Variants in KAZN observed in about 807,000 individuals in gnomAD.
KAZN encodes kazrin, periplakin interacting protein.
A neutral mutation model predicts 87.4 loss-of-function variants in KAZN; 40 were observed. The observed-to-expected ratio is 0.46, with a 90% confidence interval of 0.36 to 0.60. The LOEUF (loss-of-function observed/expected upper bound fraction) is 0.60. Among genes scored for constraint, KAZN ranks in the 20% least tolerant of loss-of-function variants. The pLI, the probability that KAZN is intolerant of heterozygous loss-of-function variation, is 0.00. For synonymous variants in KAZN, 466 were observed against 458.3 expected (o/e 1.02, Z -0.22); for missense variants, 898 against 1,073.9 (o/e 0.84, Z 2.29).
chr1:14,817,536 C>T (rs1277209851), intron 1 of KAZN, among the ~76,000 whole-genome samples: 1 of 152,186 alleles, frequency 6.6e-6, no homozygotes, highest in Non-Finnish European at 1.5e-5. Context: ...ATTCTTATGT[C>T]CCCAGAGCCT....
chr1:14,945,024 C>T (rs138660027), intron 1 of KAZN, among the ~76,000 whole-genome samples: 1 of 152,210 alleles, frequency 6.6e-6, no homozygotes, highest in Admixed American at 6.5e-5. Context: ...GGGGACAGCA[C>T]CAGGCTGCAC....
intron 2 of KAZN, among the ~76,000 whole-genome samples, chr1:14,325,658 A>C (rs1656358187): frequency 6.6e-6 from 1 of 152,240 alleles, no homozygotes; most frequent in Admixed American, 6.5e-5. Context: ...TATCAATACC[A>C]CAGGAGGATT....
At chr1:14,962,417 A>G (rs1188865213) in intron 2 of KAZN, among the ~76,000 whole-genome samples, 5 of 152,134 alleles carry the variant, frequency 3.3e-5, no homozygotes, top group Admixed American at 6.5e-5. Flanking sequence ...CCCAGCTGAC[A>G]TGGCATGCCT....
chr1:14,266,674 C>G (rs909062702), intron 2 of KAZN, among the ~76,000 whole-genome samples: 2 of 152,110 alleles, frequency 1.3e-5, no homozygotes, highest in East Asian at 3.9e-4. Flanking sequence ...GGGGACCAGT[C>G]GTGAATGGGA....
At chr1:14,436,357 C>CTGGTGG (rs59954862) in intron 2 of KAZN, among the ~76,000 whole-genome samples, 1 of 151,738 alleles carries the variant, frequency 6.6e-6, no homozygotes, top group African/African-American at 2.4e-5. Flanking sequence ...CATGGCAGTG[C>CTGGTGG]TGGTGGTGGT....
At chr1:14,942,310 A>C (rs558528354) in intron 1 of KAZN, among the ~76,000 whole-genome samples, 3 of 152,106 alleles carry the variant, frequency 2.0e-5, no homozygotes, top group Non-Finnish European at 2.9e-5. Context: ...ACGTCCCCAG[A>C]CGTTCCAGGG....
intron 2 of KAZN, among the ~76,000 whole-genome samples, chr1:14,518,199 T>TTTTTG (rs1671396403): frequency 6.7e-6 from 1 of 148,350 alleles, no homozygotes; most frequent in African/African-American, 2.5e-5. Flanking sequence ...TTTTTTTTTT[T>TTTTTG]GGGCAGAGTC....
chr1:14,785,517 G>A (rs926929209), intron 1 of KAZN, among the ~76,000 whole-genome samples: 2 of 151,952 alleles, frequency 1.3e-5, no homozygotes, highest in Non-Finnish European at 2.9e-5. Flanking sequence ...CCTCCTCCGC[G>A]GGAGCTTCAT....
At chr1:14,860,916 G>A (rs7538695) in intron 1 of KAZN, among the ~76,000 whole-genome samples, 2 of 152,168 alleles carry the variant, frequency 1.3e-5, no homozygotes, top group African/African-American at 2.4e-5. Flanking sequence ...TCATGAAAAC[G>A]ATTACTTCTT....
chr1:14,263,230 T>C (rs1437409023), intron 2 of KAZN, among the ~76,000 whole-genome samples: 2 of 152,206 alleles, frequency 1.3e-5, no homozygotes, highest in Admixed American at 6.5e-5. Flanking sequence ...CCCCTAGGTC[T>C]ATTGTATGTT....
intron 2 of KAZN, among the ~76,000 whole-genome samples, chr1:14,547,199 C>T (rs546888498): frequency 4.6e-5 from 7 of 151,970 alleles, no homozygotes; most frequent in African/African-American, 1.7e-4. Flanking sequence ...TTTTTTTTTC[C>T]TTGACCTTCT....
At chr1:14,907,411 A>C (rs1341214179) in intron 1 of KAZN, among the ~76,000 whole-genome samples, 1 of 151,806 alleles carries the variant, frequency 6.6e-6, no homozygotes, top group African/African-American at 2.4e-5. Flanking sequence ...CAAAAAAAAA[A>C]AAAAAACAAA....
At chr1:14,032,700 G>A (rs1469352963) in intron 1 of KAZN, among the ~76,000 whole-genome samples, 1 of 152,180 alleles carries the variant, frequency 6.6e-6, no homozygotes, top group Admixed American at 6.5e-5. Context: ...CCAATGGACT[G>A]TCAATGCCTT....
intron 4 of KAZN, among the ~76,000 whole-genome samples, chr1:15,053,357 G>A (rs951534763): frequency 2.0e-5 from 3 of 152,188 alleles, no homozygotes; most frequent in Non-Finnish European, 4.4e-5. Context: ...GACACACCCA[G>A]CTTCACTCCT....
chr1:14,478,719 C>T (rs4369222), intron 2 of KAZN, among the ~76,000 whole-genome samples: 48,315 of 152,060 alleles, frequency 0.32, 7,895 homozygotes, highest in East Asian at 0.4. Context: ...CTACTGCCTT[C>T]GTAATGTCTC....
intron 1 of KAZN, among the ~76,000 whole-genome samples, chr1:14,855,268 C>G (rs966520922): frequency 3.3e-5 from 5 of 152,198 alleles, no homozygotes; most frequent in Non-Finnish European, 7.3e-5. Flanking sequence ...TTATTTTTAT[C>G]TATTGCATTT....
At chr1:14,315,438 A>G (rs1313050526) in intron 2 of KAZN, among the ~76,000 whole-genome samples, 4 of 152,284 alleles carry the variant, frequency 2.6e-5, no homozygotes, top group African/African-American at 9.6e-5. Context: ...TACTTTAATT[A>G]TACAATTTGA....
intron 2 of KAZN, among the ~76,000 whole-genome samples, chr1:14,338,300 C>T (rs1657417398): frequency 7.4e-6 from 1 of 134,236 alleles, no homozygotes; most frequent in Admixed American, 8.2e-5. Flanking sequence ...ATGGCGAAAC[C>T]CCATCTCCAC....
intron 1 of KAZN, among the ~76,000 whole-genome samples, chr1:14,740,184 G>T (rs182028548): frequency 1.3e-5 from 2 of 152,290 alleles, no homozygotes; most frequent in East Asian, 1.9e-4. Flanking sequence ...GGCAGCTGTG[G>T]CTTAGACATC....
Sources: gnomAD v4.1 joint callset for allele counts (sites outside exome capture counted in the v4.1 genomes callset) on GRCh38, gnomAD v4.1.1 for gene constraint, MANE v1.5 for transcripts, NCBI Gene and HGNC (gene_info 2026-07-23, HGNC 2026-07-21) for gene names.